DLG2: variants seen among roughly 807,000 people sequenced by gnomAD.
The protein encoded by DLG2 is disks large homolog 2.
Under a neutral mutation model 132.5 loss-of-function variants are expected in DLG2, and 45 were observed. The observed-to-expected ratio is 0.34, with a 90% CI of 0.27 to 0.44. DLG2 has a LOEUF of 0.44. Among genes scored for constraint, DLG2 ranks in the 20% least tolerant of loss-of-function variants. DLG2 has a pLI of 1.00. For synonymous variants in DLG2, 424 were observed against 419.6 expected, an observed-to-expected ratio of 1.01 and a Z score of -0.13; for missense variants, 1,045 against 1,196.9, an observed-to-expected ratio of 0.87 and a Z score of 1.87.
chr11:83,673,159 C>T (rs1339436851), intron 18 of DLG2, among the ~76,000 whole-genome samples: 1 of 152,182 alleles, frequency 6.6e-6, no homozygotes, highest in African/African-American at 2.4e-5. Context: ...GGACTAAAAA[C>T]ATATATTTGT....
At chr11:84,390,000 A>G (rs904537336) in intron 7 of DLG2, among the ~76,000 whole-genome samples, 2 of 152,178 alleles carry the variant, frequency 1.3e-5, no homozygotes, top group Non-Finnish European at 2.9e-5. Context: ...GTTCAATATG[A>G]ATATTCAGTT....
At chr11:84,307,669 CT>C (rs1221989868) in intron 7 of DLG2, among the ~76,000 whole-genome samples, 9 of 130,750 alleles carry the variant, frequency 6.9e-5, no homozygotes, top group Non-Finnish European at 3.2e-5. Flanking sequence ...GCAGTCCGGC[CT>C]GGGTGAAAGA....
chr11:84,150,287 G>A (rs1303223055), intron 9 of DLG2, among the ~76,000 whole-genome samples: 1 of 152,050 alleles, frequency 6.6e-6, no homozygotes, highest in Non-Finnish European at 1.5e-5. Flanking sequence ...TTGGTTAGAT[G>A]GATTCCTAGG....
chr11:84,068,252 G>A (rs963633740), intron 10 of DLG2, among the ~76,000 whole-genome samples: 2 of 152,174 alleles, frequency 1.3e-5, no homozygotes, highest in Non-Finnish European at 2.9e-5. Context: ...TCTTCCCAGC[G>A]CTTAATTGTC....
At position 83,743,449 on chromosome 11, in the gene DLG2, T is replaced by TTTTA. The variant is rs1555372680; in HGVS notation, c.1825+43240_1825+43241insTAAA. Among the ~76,000 whole-genome samples, 13 of 124,108 alleles carry TTTTA rather than the reference T, an allele frequency of 1.0e-4. 1 individual carries two copies. The highest frequency in any genetic ancestry group is 8.8e-4 in the East Asian group (4 of 4,566). The allele number at this position is 124,108 out of a possible 152,430, so 81.4% of individuals were successfully genotyped here. On this transcript the variant is annotated intron_variant, in intron 18 of 27. Coordinates refer to ENST00000376104, the MANE Select transcript of DLG2 (RefSeq NM_001142699.3). Reference sequence around the variant, plus strand: ...AGGCCATTTTTTTTTTTTTTTTTTTTATGACAGGGTCTCACTTTGTCACCC... The same window carrying TTTTA: ...AGGCCATTTTTTTTTTTTTTTTTTTTTTTAATGACAGGGTCTCACTTTGTCACCC...
intron 3 of DLG2, among the ~76,000 whole-genome samples, chr11:85,472,339 G>C (rs1023841285): frequency 6.6e-6 from 1 of 152,080 alleles, no homozygotes; most frequent in Non-Finnish European, 1.5e-5. Context: ...GTCTCACTCT[G>C]TCACCAGGCT....
At chr11:83,577,584 A>ATATATC (rs2096895596) in intron 19 of DLG2, among the ~76,000 whole-genome samples, 1 of 119,250 alleles carries the variant, frequency 8.4e-6, no homozygotes, top group East Asian at 2.3e-4. Context: ...ATATATATAT[A>ATATATC]TATCCTATTT....
In DLG2 at chr11:84,427,573, G is replaced by A. The variant is rs183380071; in HGVS notation, c.519+106997C>T. Reference sequence around the variant, plus strand: ...GGAATCTTGGGGAAAAAAATATATAGGAAAGTCAGTCCTATGCCAGGATAA... The same window carrying A: ...GGAATCTTGGGGAAAAAAATATATAAGAAAGTCAGTCCTATGCCAGGATAA... On this transcript the variant is annotated intron_variant, in intron 7 of 27. Transcript: ENST00000376104. Among the ~76,000 whole-genome samples, 417 of 152,140 alleles carry A rather than the reference G, an allele frequency of 2.7e-3. 1 individual carries two copies. Among genetic ancestry groups the A allele is most frequent in the Non-Finnish European group, 4.3e-3 (292 of 67,990 alleles).
At chr11:84,714,623 T>TC (rs2060950060) in intron 6 of DLG2, among the ~76,000 whole-genome samples, 5 of 105,038 alleles carry the variant, frequency 4.8e-5, no homozygotes, top group African/African-American at 1.3e-4. Flanking sequence ...CTCTTTCTCT[T>TC]TCTCTCTCTC....
At chr11:83,778,292 T>G (rs1027662643) in intron 18 of DLG2, among the ~76,000 whole-genome samples, 8 of 152,170 alleles carry the variant, frequency 5.3e-5, no homozygotes, top group African/African-American at 1.9e-4. Context: ...ATTAGAACCC[T>G]TTATTTCCAT....
intron 3 of DLG2, among the ~76,000 whole-genome samples, chr11:85,505,480 T>C (rs952509282): frequency 2.1e-4 from 32 of 152,202 alleles, no homozygotes; most frequent in African/African-American, 7.0e-4. Flanking sequence ...GAGAAAATTA[T>C]GTGGTTTTTG....
intron 6 of DLG2, among the ~76,000 whole-genome samples, chr11:84,716,167 T>C (rs1233039827): frequency 6.6e-6 from 1 of 152,060 alleles, no homozygotes; most frequent in Non-Finnish European, 1.5e-5. Flanking sequence ...CTTAACGATG[T>C]TGAGCACCTC....
chr11:83,712,003 C>A (rs1487202118), intron 18 of DLG2, among the ~76,000 whole-genome samples: 1 of 151,836 alleles, frequency 6.6e-6, no homozygotes, highest in African/African-American at 2.4e-5. Flanking sequence ...AACAAACAAA[C>A]AAAAAAACCG....
intron 15 of DLG2, among the ~76,000 whole-genome samples, chr11:83,924,593 C>T (rs1300679032): frequency 1.3e-5 from 2 of 152,128 alleles, no homozygotes; most frequent in African/African-American, 4.8e-5. Context: ...CATTCATCTC[C>T]CTTCACAATT....
intron 11 of DLG2, among the ~76,000 whole-genome samples, chr11:84,033,547 A>G: frequency 6.6e-6 from 1 of 152,100 alleles, no homozygotes; most frequent in East Asian, 1.9e-4. Flanking sequence ...TATTGTTGAA[A>G]TGAAAACAAA....
At chr11:84,679,395 C>T (rs12270207) in intron 6 of DLG2, among the ~76,000 whole-genome samples, 1 of 151,764 alleles carries the variant, frequency 6.6e-6, no homozygotes, top group African/African-American at 2.4e-5. Context: ...AATGTTTGGA[C>T]AGTTGCTTTT....
At chr11:83,904,818 C>T (rs1323730289) in intron 15 of DLG2, among the ~76,000 whole-genome samples, 1 of 152,126 alleles carries the variant, frequency 6.6e-6, no homozygotes, top group East Asian at 1.9e-4. Flanking sequence ...ACCTGGCCTT[C>T]TTTGTGTTGC....
chr11:84,940,556 A>G (rs2049287801), intron 6 of DLG2, among the ~76,000 whole-genome samples: 1 of 152,134 alleles, frequency 6.6e-6, no homozygotes, highest in African/African-American at 2.4e-5. Context: ...TCTTTTGCCC[A>G]TTTTTCAATT....
At chr11:84,171,700 T>C (rs2095827227) in intron 8 of DLG2, among the ~76,000 whole-genome samples, 1 of 152,194 alleles carries the variant, frequency 6.6e-6, no homozygotes, top group Admixed American at 6.6e-5. Flanking sequence ...GCAGGTATCT[T>C]TTTGATACGA....
Sources: allele counts gnomAD v4.1 joint callset (sites outside exome capture counted in the v4.1 genomes callset), GRCh38; gene constraint gnomAD v4.1.1; transcripts MANE v1.5; gene names NCBI Gene and HGNC (gene_info 2026-07-23, HGNC 2026-07-21).